GAB2: variants seen among roughly 807,000 people sequenced by gnomAD.
GAB2 encodes GRB2-associated-binding protein 2.
A neutral mutation model predicts 65.5 loss-of-function variants in GAB2; 26 were observed. The ratio of observed to expected loss-of-function variants is 0.40; its 90% CI spans 0.29 to 0.55. The LOEUF is 0.55. Ranked by LOEUF, GAB2 falls within the 20% of genes least tolerant of loss-of-function variation. The pLI, the probability that GAB2 is intolerant of heterozygous loss-of-function variation, is 0.53. For synonymous variants in GAB2, 321 were observed against 329.6 expected, an observed-to-expected ratio of 0.97 and a Z score of 0.28; for missense variants, 884 against 875.8, an observed-to-expected ratio of 1.01 and a Z score of -0.12.
At chr11:78,347,488 G>A (rs867144318) in intron 1 of GAB2, among the ~76,000 whole-genome samples, 1 of 152,146 alleles carries the variant, frequency 6.6e-6, no homozygotes, top group Non-Finnish European at 1.5e-5. Flanking sequence ...TAATACTTCT[G>A]AGACTTCTTT....
intron 1 of GAB2, among the ~76,000 whole-genome samples, chr11:78,330,855 T>G (rs1305035914): frequency 1.3e-5 from 2 of 151,536 alleles, no homozygotes; most frequent in African/African-American, 2.4e-5. Context: ...AGTTCTAGAA[T>G]TTGCCTGAGA....
rs759322853 is a variant in GAB2 at position 78,226,815 on chromosome 11, T to C, written c.857A>G (p.Glu286Gly). ...GGTGTACACATCCTCATTATCTGTCTCGGAGCCTGTGAGGCTGCCCTTGGT... is the reference window on the plus strand; with the variant it reads ...GGTGTACACATCCTCATTATCTGTCCCGGAGCCTGTGAGGCTGCCCTTGGT... Reference protein sequence around the residue: ...GHTKGSLTGSETDNEDVYTFK... With the variant: ...GHTKGSLTGSGTDNEDVYTFK... Residue 286 changes from glutamate to glycine, a missense_variant, in exon 4 of 10, where the codon GAG (glutamate) becomes GGG (glycine). Physicochemically the swap from Glu to Gly is moderately conservative, Grantham distance 98 (BLOSUM62 -2). Transcript: ENST00000361507. The C allele has an allele frequency of 6.8e-6, 11 of 1,613,982 alleles. No homozygotes were observed. The highest frequency in any genetic ancestry group is 2.7e-5 in the African/African-American group (2 of 74,916).
chr11:78,280,472 A>ACTC (rs1488650927), intron 2 of GAB2, 129 bp downstream of exon 2: 1 of 792,120 alleles, frequency 1.3e-6, no homozygotes, highest in East Asian at 2.4e-5. Context: ...ACCCCTTCAC[A>ACTC]CTCTTTACCC....
rs188632207 is a variant in GAB2 at position 78,395,125 on chromosome 11, A to G, written c.75+22521T>C. On this transcript the variant is annotated intron_variant, in intron 1 of 9. Transcript: ENST00000361507. The stretch of plus-strand genomic sequence containing the variant: ...AGACTGTATCTCCTCCCACCCCTAC[A>G]CTCTCCAAGGTGAAGAATGGGGAAG... Among the ~76,000 whole-genome samples, 12 of 152,080 alleles carry G rather than the reference A, an allele frequency of 7.9e-5. No individual in the cohort carries two copies. In the East Asian group the frequency reaches 2.3e-3, roughly 29 times the overall value.
rs529033167 is a variant in GAB2, at chr11:78,405,922, A to G, written c.75+11724T>C. Reference sequence around the variant, plus strand: ...CAGCCTAGCAAGAGACGAAACTGCTAAACAATAACTGCTCTACTCCAGCCA... The same window carrying G: ...CAGCCTAGCAAGAGACGAAACTGCTGAACAATAACTGCTCTACTCCAGCCA... On this transcript the variant is annotated intron_variant, in intron 1 of 9. Coordinates refer to ENST00000361507, the MANE Select transcript of GAB2 (RefSeq NM_080491.3). Among the ~76,000 whole-genome samples, 8 of 152,328 alleles carry G rather than the reference A, an allele frequency of 5.3e-5. No homozygotes were observed. In the South Asian group the frequency reaches 1.7e-3, roughly 32 times the overall value.
At chr11:78,232,863 C>A (rs1864882607) in intron 3 of GAB2, among the ~76,000 whole-genome samples, 1 of 152,114 alleles carries the variant, frequency 6.6e-6, no homozygotes, top group Non-Finnish European at 1.5e-5. Flanking sequence ...ACCCCCTACT[C>A]AAAAATAATC....
intron 3 of GAB2, among the ~76,000 whole-genome samples, chr11:78,239,637 A>G (rs1388309699): frequency 1.3e-5 from 2 of 152,342 alleles, no homozygotes; most frequent in South Asian, 4.1e-4. Context: ...ACAGAAGGAA[A>G]CACACTAGGC....
chr11:78,407,634 A>AAAAAAAG (rs1170567105), intron 1 of GAB2, among the ~76,000 whole-genome samples: 2 of 115,258 alleles, frequency 1.7e-5, no homozygotes, highest in African/African-American at 7.4e-5. Flanking sequence ...ACTCCTTCTC[A>AAAAAAAG]AAGAAAGAAA....
chr11:78,250,451 T>A (rs554670796), intron 2 of GAB2, 51 bp from the exon 3 acceptor site: 1 of 1,534,166 alleles, frequency 6.5e-7, no homozygotes, highest in South Asian at 1.1e-5. Context: ...AATGTATCCT[T>A]ATCCCAAAGT....
chr11:78,224,911 A>G (rs898534564), intron 5 of GAB2, among the ~76,000 whole-genome samples, 197 bp downstream of exon 5: 1 of 152,012 alleles, frequency 6.6e-6, no homozygotes, highest in Non-Finnish European at 1.5e-5. Flanking sequence ...TAGCACATAC[A>G]TTTCTTCCAG....
intron 1 of GAB2, among the ~76,000 whole-genome samples, chr11:78,402,322 T>G (rs2135082051): frequency 6.7e-6 from 1 of 149,868 alleles, no homozygotes; most frequent in South Asian, 2.1e-4. Flanking sequence ...AGGAAGCCTT[T>G]GCTTTTTTTT....
At chr11:78,403,798 A>G (rs1203731578) in intron 1 of GAB2, among the ~76,000 whole-genome samples, 2 of 152,218 alleles carry the variant, frequency 1.3e-5, no homozygotes, top group African/African-American at 4.8e-5. Context: ...ACATGAAGAA[A>G]CAACTCACAG....
chr11:78,281,588 A>T lies in GAB2; in HGVS notation c.76-687T>A, dbSNP rs150782399. 3.3e-5 allele frequency among the ~76,000 whole-genome samples: 5 copies of T among 152,330 alleles called. No individual in the cohort carries two copies. In the East Asian group the frequency reaches 9.6e-4, roughly 29 times the overall value. On this transcript the variant is annotated intron_variant, in intron 1 of 9. Transcript: ENST00000361507. Reference sequence around the variant, plus strand: ...TAGGTCCTCAGATATCATAGGTTAAAGACGGGGACTGTGGGACCTGCAGGT... The same window carrying T: ...TAGGTCCTCAGATATCATAGGTTAATGACGGGGACTGTGGGACCTGCAGGT...
chr11:78,250,383 A>C lies in GAB2; in HGVS notation c.394T>G (p.Ser132Ala), dbSNP rs770324831. 2 of 1,613,396 alleles carry C rather than the reference A, an allele frequency of 1.2e-6. No individual in the cohort carries two copies. Among genetic ancestry groups the C allele is most frequent in the Admixed American group, 1.7e-5 (1 of 59,962 alleles). ...EESTDSLRNV[S>A]SAGHGPRSSP... is the part of the protein sequence containing the mutation. ...GAGCGGGGGCCATGACCGGCTGAGG[A>C]AACATTTCTCAGGGAGTCTGAAAAG... is the stretch of plus-strand genomic sequence containing the variant. Residue 132 changes from serine (S) to alanine (A), a missense_variant, in exon 3 of 10, where the codon TCC becomes GCC. Physicochemically the swap from Ser to Ala is moderately conservative, Grantham distance 99. Coordinates refer to ENST00000361507, the MANE Select transcript of GAB2 (RefSeq NM_080491.3).
chr11:78,268,040 A>G (rs1355131068), intron 2 of GAB2, among the ~76,000 whole-genome samples: 1 of 152,084 alleles, frequency 6.6e-6, no homozygotes, highest in African/African-American at 2.4e-5. Flanking sequence ...GCGGACCAGT[A>G]TCCTCACATT....
intron 1 of GAB2, among the ~76,000 whole-genome samples, chr11:78,307,283 A>G (rs189516107): frequency 1.2e-3 from 186 of 152,324 alleles, no homozygotes; most frequent in Non-Finnish European, 6.0e-4. Context: ...AAAGGAATCA[A>G]AACTCTCTGG....
At chr11:78,277,262 C>G (rs1373084714) in intron 2 of GAB2, among the ~76,000 whole-genome samples, 3 of 152,330 alleles carry the variant, frequency 2.0e-5, no homozygotes, top group Middle Eastern at 3.4e-3. Context: ...TTCCCCTCAT[C>G]ATACCTATTT....
intron 9 of GAB2, 44 bp downstream of exon 9, chr11:78,220,275 G>A (rs1249242032): frequency 6.2e-7 from 1 of 1,608,564 alleles, no homozygotes. Context: ...CTGCCTCCGG[G>A]ACCCTGAGAG....
chr11:78,333,334 T>A (rs1344296531), intron 1 of GAB2, among the ~76,000 whole-genome samples: 1 of 152,188 alleles, frequency 6.6e-6, no homozygotes, highest in East Asian at 1.9e-4. Context: ...GGTGCGATCA[T>A]GGCTCACTCC....
Sources: allele counts gnomAD v4.1 joint callset (sites outside exome capture counted in the v4.1 genomes callset), GRCh38; gene constraint gnomAD v4.1.1; transcripts MANE v1.5; gene names NCBI Gene and HGNC (gene_info 2026-07-23, HGNC 2026-07-21).